Variants in NUDT22 observed in about 807,000 individuals in gnomAD.
The protein encoded by NUDT22 is nudix hydrolase 22, also known as uridine diphosphate glucose pyrophosphatase NUDT22.
In NUDT22, 23 loss-of-function variants were observed where a neutral mutation model predicts 28.8. The ratio of observed to expected loss-of-function variants is 0.80; its 90% CI spans 0.58 to 1.13. The LOEUF (loss-of-function observed/expected upper bound fraction) is 1.13. NUDT22 is among the 50% of genes most tolerant of loss of function. The pLI is 0.00. For synonymous variants in NUDT22, 175 were observed against 173.7 expected, an observed-to-expected ratio of 1.01 and a Z score of -0.06; for missense variants, 358 against 387.3, an observed-to-expected ratio of 0.92 and a Z score of 0.64.
Position 64,227,132 on chromosome 11 carries a change from G to C in NUDT22, c.480G>C (p.Gln160His). ...VDVPGGHPEP[Q>H]ALCPGGSPQH... ...TACCTGGTGGGCACCCTGAGCCTCA[G>C]GTGAGATTCCAGGCTGGGCACAAAG... is the stretch of plus-strand genomic sequence containing the variant. Residue 160 changes from glutamine to histidine, a missense_variant and splice_region_variant, in exon 2 of 6, where the codon CAG becomes CAC. Physicochemically the swap from Gln to His is conservative, Grantham distance 24 (BLOSUM62 0). Transcript: ENST00000279206. 6.3e-7 allele frequency: 1 copy of C among 1,585,636 alleles called. No individual in the cohort carries two copies. Among genetic ancestry groups the C allele is most frequent in the Non-Finnish European group, 8.5e-7 (1 of 1,171,356 alleles).
Position 64,229,319 on chromosome 11 carries a change from C to A in NUDT22, c.652C>A (p.Arg218=). ...GIARNETSAG[R]ASAEFYVQCS... ...CGCCCGAAATGAGACCAGTGCTGGC[C>A]GAGCCAGTGCCGAGTTCTATGTCCA... Residue 218 remains arginine, a synonymous_variant, in exon 4 of 6, where the codon CGA becomes AGA. Transcript: ENST00000279206. 6.3e-7 allele frequency: 1 copy of A among 1,597,272 alleles called. No individual in the cohort carries two copies. Among genetic ancestry groups the A allele is most frequent in the African/African-American group, 1.3e-5 (1 of 74,388 alleles).
downstream of NUDT22, chr11:64,230,037 T>C: frequency 4.4e-6 from 7 of 1,603,024 alleles, no homozygotes; most frequent in South Asian, 7.7e-5. Context: ...ATCTGCTATT[T>C]CTGTAACAGA....
Position 64,226,626 on chromosome 11 carries a change from C to T in NUDT22, c.-18-9C>T, listed in dbSNP as rs766654204. ...CCTGGATGACAGGCCTGGCCGTATC[C>T]TCCCCCAGAGCTGCCCCGTTCAGAC... is the stretch of plus-strand genomic sequence containing the variant. On this transcript the variant is annotated splice_polypyrimidine_tract_variant and intron_variant, in intron 1 of 5. Transcript: ENST00000279206. The T allele has an allele frequency of 1.3e-6, 2 of 1,541,302 alleles. No individual in the cohort carries two copies. The highest frequency in any genetic ancestry group is 2.3e-5 in the East Asian group (1 of 44,338).
chr11:64,227,630 A>G lies in NUDT22; in HGVS notation c.543A>G (p.Glu181=), dbSNP rs769207328. 1 of 1,613,812 alleles carries G rather than the reference A, an allele frequency of 6.2e-7. No individual in the cohort carries two copies. Residue 181 remains glutamate (E), a synonymous_variant, in exon 3 of 6, where the codon GAA becomes GAG. Coordinates refer to ENST00000279206, the MANE Select transcript of NUDT22 (RefSeq NM_032344.4). ...QDLAGQLVVH[E]LFSSVLQEIC... ...TCGCTGGGCAGCTGGTGGTACATGA[A>G]CTCTTTTCCAGTGTCCTTCAGGAGA...
intron 2 of NUDT22, 53 bp from the exon 3 acceptor site, chr11:64,227,515 G>C (rs1206348473): frequency 7.1e-7 from 1 of 1,401,478 alleles, no homozygotes; most frequent in Non-Finnish European, 1.0e-6. Flanking sequence ...CTGGTCCTGA[G>C]ATGGGGCAGG....
chr11:64,228,387 G>A (rs1045022137), intron 3 of NUDT22, among the ~76,000 whole-genome samples: 4 of 151,962 alleles, frequency 2.6e-5, no homozygotes, highest in Non-Finnish European at 5.9e-5. Flanking sequence ...GTAAGTGGCC[G>A]GGCGCCGTGG....
At chr11:64,227,722 G>T (rs1947079839) in intron 3 of NUDT22, 56 bp downstream of exon 3, 1 of 1,432,906 alleles carries the variant, frequency 7.0e-7, no homozygotes, top group East Asian at 2.3e-5. Context: ...GGTAGGACTT[G>T]CCAGAATTCT....
downstream of NUDT22, chr11:64,230,217 T>C (rs746940886): frequency 1.2e-5 from 8 of 672,014 alleles, no homozygotes; most frequent in South Asian, 3.0e-5. Context: ...CCGTAAGATA[T>C]ACCTCGCTGC....
At position 64,229,313 on chromosome 11, in the gene NUDT22, G is replaced by C. The variant is rs755776174; in HGVS notation, c.646G>C (p.Ala216Pro). 1.5e-4 allele frequency: 239 copies of C among 1,605,988 alleles called. 3 individuals are homozygous for C. The South Asian group carries it at 2.5e-3, about 17-fold the overall frequency. The change falls in exon 4 of 6, where the codon GCT (alanine) becomes CCT (proline). Residue 216 changes from alanine to proline, a missense_variant. Physicochemically the swap from Ala to Pro is conservative, Grantham distance 27. Transcript: ENST00000279206. ...LLGIARNETS[A>P]GRASAEFYVQ... Reference sequence around the variant, plus strand: ...GGGCATCGCCCGAAATGAGACCAGTGCTGGCCGAGCCAGTGCCGAGTTCTA... The same window carrying C: ...GGGCATCGCCCGAAATGAGACCAGTCCTGGCCGAGCCAGTGCCGAGTTCTA...
chr11:64,226,359 G>C lies in NUDT22; in HGVS notation c.-87G>C. ...GGAAAGGGGTCCCCGCGCGCCCCGG[G>C]TCGGAGGCAGACCCCTGGGTTTGGG... On this transcript the variant is annotated 5_prime_UTR_variant, in exon 1 of 6. Transcript: ENST00000279206. The C allele has an allele frequency of 1.5e-5, 19 of 1,251,024 alleles. No individual in the cohort carries two copies. The highest frequency in any genetic ancestry group is 1.9e-5 in the Non-Finnish European group (19 of 997,564). 77.5% of individuals were successfully genotyped at this position (1,251,024 alleles called of 1,614,324 possible).
In NUDT22 at chr11:64,227,107, T is replaced by C. The variant is rs1947051063; in HGVS notation, c.455T>C (p.Val152Ala). 6.3e-7 allele frequency: 1 copy of C among 1,594,426 alleles called. No homozygotes were observed. Among genetic ancestry groups the C allele is most frequent in the African/African-American group, 1.3e-5 (1 of 74,736 alleles). Residue 152 changes from valine to alanine, a missense_variant, in exon 2 of 6, where the codon GTA becomes GCA. Coordinates refer to ENST00000279206, the MANE Select transcript of NUDT22 (RefSeq NM_032344.4). ...GCTGAGGCCCCTGGGCTGGTGGACGTACCTGGTGGGCACCCTGAGCCTCAG... is the reference window on the plus strand; with the variant it reads ...GCTGAGGCCCCTGGGCTGGTGGACGCACCTGGTGGGCACCCTGAGCCTCAG... ...QVAEAPGLVD[V>A]PGGHPEPQAL...
In NUDT22 at chr11:64,226,990, C is replaced by T; in HGVS notation, c.338C>T (p.Thr113Met). ...RQQGATDWGDTQAYLADPLGV... is the reference protein window; with the variant it reads ...RQQGATDWGDMQAYLADPLGV... ...CAGGGTGCCACCGACTGGGGTGACA[C>T]GCAGGCCTATCTGGCGGACCCACTG... Residue 113 changes from threonine to methionine, a missense_variant, in exon 2 of 6, where the codon ACG (threonine) becomes ATG (methionine). Physicochemically the swap from Thr to Met is moderately conservative, Grantham distance 81. Coordinates refer to ENST00000279206, the MANE Select transcript of NUDT22 (RefSeq NM_032344.4). 1 of 1,603,142 alleles carries T rather than the reference C, an allele frequency of 6.2e-7. No individual in the cohort carries two copies. The highest frequency in any genetic ancestry group is 8.5e-7 in the Non-Finnish European group (1 of 1,179,910).
chr11:64,230,094 G>GA (rs10708923), downstream of NUDT22: 48,899 of 698,084 alleles, frequency 0.07, 62 homozygotes, highest in Non-Finnish European at 0.08. Flanking sequence ...AGTGACTTGG[G>GA]AAAAAAAAAA....
At position 64,229,827 on chromosome 11, in the gene NUDT22, TGGGTCTCGTTGTCTCCCCACAGAAC is replaced by T; in HGVS notation, c.772-21_775del. On this transcript the variant is annotated splice_acceptor_variant and splice_polypyrimidine_tract_variant and coding_sequence_variant and intron_variant, in exon 6 of 6. Transcript: ENST00000279206. LOFTEE classifies it high-confidence loss of function. ...AGGAGAAGTGGCAAGCTTGAATGCCTGGGTCTCGTTGTCTCCCCACAGAACGTGCAGAGATTGCTCGAGACGGAGA... is the reference window on the plus strand; with the variant it reads ...AGGAGAAGTGGCAAGCTTGAATGCCTGTGCAGAGATTGCTCGAGACGGAGA... 1 of 1,612,762 alleles carries T rather than the reference TGGGTCTCGTTGTCTCCCCACAGAAC, an allele frequency of 6.2e-7. No individual in the cohort carries two copies. Among genetic ancestry groups the T allele is most frequent in the Non-Finnish European group, 8.5e-7 (1 of 1,179,796 alleles).
chr11:64,229,117 GC>G, intron 3 of NUDT22, 129 bp from the exon 4 acceptor site: 1 of 610,872 alleles, frequency 1.6e-6, no homozygotes, highest in Non-Finnish European at 2.9e-6. Context: ...ATTCTGTAAT[GC>G]TGGGTCCTTG....
At chr11:64,227,859 CTTTTCTT>C (rs1947084504) in intron 3 of NUDT22, 193 bp downstream of exon 3, 2 of 581,876 alleles carry the variant, frequency 3.4e-6, no homozygotes, top group Non-Finnish European at 6.1e-6. Flanking sequence ...GATTCTTCTT[CTTTTCTT>C]TTTTCTTTCT....
In NUDT22 at chr11:64,229,857, A is replaced by G. The variant is rs633561; in HGVS notation, c.779A>G (p.Gln260Arg). 1,592,532 of 1,613,130 alleles carry G rather than the reference A, an allele frequency of 0.99. 787,048 individuals carry two copies. Among genetic ancestry groups the G allele is most frequent in the Non-Finnish European group, 1 (1,176,175 of 1,179,970 alleles). ...GIFFVETQNV[Q>R]RLLETEMWAE... ...CTCGTTGTCTCCCCACAGAACGTGCAGAGATTGCTCGAGACGGAGATGTGG... is the reference window on the plus strand; with the variant it reads ...CTCGTTGTCTCCCCACAGAACGTGCGGAGATTGCTCGAGACGGAGATGTGG... The change falls in exon 6 of 6, where the codon CAG (glutamine) becomes CGG (arginine). Residue 260 changes from glutamine to arginine, a missense_variant. Physicochemically the swap from Gln to Arg is conservative, Grantham distance 43. Coordinates refer to ENST00000279206, the MANE Select transcript of NUDT22 (RefSeq NM_032344.4).
At chr11:64,228,008 T>A (rs1947092893) in intron 3 of NUDT22, 1 of 236,800 alleles carries the variant, frequency 4.2e-6, no homozygotes, top group East Asian at 1.1e-4. Flanking sequence ...TAGCTGGGAC[T>A]ACAGGCATCC....
In NUDT22 at chr11:64,226,651, C is replaced by A; in HGVS notation, c.-2C>A. 1 of 1,583,708 alleles carries A rather than the reference C, an allele frequency of 6.3e-7. No individual in the cohort carries two copies. Among genetic ancestry groups the A allele is most frequent in the Admixed American group, 1.8e-5 (1 of 56,558 alleles). On this transcript the variant is annotated 5_prime_UTR_variant, in exon 2 of 6. Coordinates refer to ENST00000279206, the MANE Select transcript of NUDT22 (RefSeq NM_032344.4). ...CTCCCCCAGAGCTGCCCCGTTCAGA[C>A]CATGGATCCTGAGGTGACCTTGCTG... is the stretch of plus-strand genomic sequence containing the variant.
Sources: allele counts gnomAD v4.1 joint callset (sites outside exome capture counted in the v4.1 genomes callset), GRCh38; gene constraint gnomAD v4.1.1; transcripts MANE v1.5; gene names NCBI Gene and HGNC (gene_info 2026-07-23, HGNC 2026-07-21).